AGK: variants seen among roughly 807,000 people sequenced by gnomAD.
AGK encodes the protein acylglycerol kinase.
A neutral mutation model predicts 66.4 loss-of-function variants in AGK; 52 were observed. That is an observed-to-expected ratio of 0.78 (90% CI 0.63 to 0.99). AGK has a LOEUF of 0.99. AGK is among the 50% of genes least tolerant of loss of function. AGK has a pLI of 0.00. For synonymous variants in AGK, 182 were observed against 181.1 expected, an observed-to-expected ratio of 1.00 and a Z score of -0.04; for missense variants, 451 against 506.6, an observed-to-expected ratio of 0.89 and a Z score of 1.05.
chr7:141,555,689 T>C lies in AGK; in HGVS notation c.101+122T>C, dbSNP rs1795194761. ...TAAAACATGTGGTGTAAAAGAAAAA[T>C]AAATGCTATTCAAAGCAAAAACAAA... is the stretch of plus-strand genomic sequence containing the variant. On this transcript the variant is annotated intron_variant, in intron 2 of 15. Coordinates refer to ENST00000649286, the MANE Select transcript of AGK (RefSeq NM_018238.4). This position sits in a 1 kb window ranked among gnomAD's most constrained non-coding sequence, Gnocchi z 4.2. The C allele has an allele frequency of 1.5e-6, 1 of 651,324 alleles. No individual in the cohort carries two copies. The highest frequency in any genetic ancestry group is 1.8e-5 in the African/African-American group (1 of 54,568). 40.3% of individuals were successfully genotyped at this position (651,324 alleles called of 1,614,324 possible). A position where few individuals can be genotyped will look rare whatever the true frequency, so the allele number is the denominator to read the frequency against.
Position 141,653,396 on chromosome 7 carries a change from T to TA in AGK, c.*472_*473insA, listed in dbSNP as rs1265987550. 1 of 154,084 alleles carries TA rather than the reference T, an allele frequency of 6.5e-6. No individual in the cohort carries two copies. Among genetic ancestry groups the TA allele is most frequent in the Non-Finnish European group, 1.4e-5 (1 of 69,146 alleles). 9.5% of individuals were successfully genotyped at this position (154,084 alleles called of 1,614,324 possible). On this transcript the variant is annotated 3_prime_UTR_variant, in exon 16 of 16. Transcript: ENST00000649286. ...GTGAGCTCCGGCTCCTGTTTAGCTTTTATTTCAGTTCTAACCTCAGTCCAG... is the reference window on the plus strand; with the variant it reads ...GTGAGCTCCGGCTCCTGTTTAGCTTTATATTTCAGTTCTAACCTCAGTCCAG...
chr7:141,615,133 A>G (rs1217625041), intron 7 of AGK, among the ~76,000 whole-genome samples: 1 of 152,262 alleles, frequency 6.6e-6, no homozygotes, highest in Admixed American at 6.5e-5. Context: ...CAACTTTATC[A>G]AATAGTGTGA....
At chr7:141,611,328 A>G (rs775979280) in intron 6 of AGK, 41 bp downstream of exon 6, 1 of 1,446,100 alleles carries the variant, frequency 6.9e-7, no homozygotes, top group East Asian at 2.3e-5. Flanking sequence ...TGAAGGTGAG[A>G]AAAATGGAAA....
At chr7:141,556,916 T>C (rs1795221069) in intron 2 of AGK, among the ~76,000 whole-genome samples, 2 of 152,360 alleles carry the variant, frequency 1.3e-5, no homozygotes, top group Admixed American at 6.5e-5. Context: ...GTGCCAGAGC[T>C]CCTCTTTTAG....
At chr7:141,569,651 A>G (rs1005278924) in intron 2 of AGK, among the ~76,000 whole-genome samples, 3 of 152,216 alleles carry the variant, frequency 2.0e-5, no homozygotes, top group African/African-American at 4.8e-5. Flanking sequence ...TTATAACTCT[A>G]TGAGATGGTT....
chr7:141,611,553 A>C (rs551179929), intron 6 of AGK, among the ~76,000 whole-genome samples: 1 of 152,288 alleles, frequency 6.6e-6, no homozygotes, highest in East Asian at 1.9e-4. Context: ...AGAAGAAAAA[A>C]TGATGGTGGA....
chr7:141,586,708 A>G (rs1036432481), intron 2 of AGK, among the ~76,000 whole-genome samples: 1 of 152,216 alleles, frequency 6.6e-6, no homozygotes, highest in Non-Finnish European at 1.5e-5. Flanking sequence ...GTCTCTTAAG[A>G]ACAGCAAAAC....
chr7:141,583,218 G>A (rs1440886189), intron 2 of AGK, among the ~76,000 whole-genome samples: 1 of 151,888 alleles, frequency 6.6e-6, no homozygotes, highest in Non-Finnish European at 1.5e-5. Context: ...TAGGTTTTAG[G>A]TCAGGTGTGA....
chr7:141,614,170 A>G lies in AGK; in HGVS notation c.415A>G (p.Thr139Ala). The G allele has an allele frequency of 6.5e-7, 1 of 1,539,620 alleles. No individual in the cohort carries two copies. The highest frequency in any genetic ancestry group is 8.8e-7 in the Non-Finnish European group (1 of 1,132,618). The change falls in exon 7 of 16, where the codon ACA becomes GCA. Residue 139 changes from threonine (T) to alanine (A), a missense_variant. By Grantham distance (58) the Thr-to-Ala change is moderately conservative (BLOSUM62 0). Transcript: ENST00000649286. ...GGTTGTTACTGGTGTTCTTCGACGAACAGATGAGGTGAGCATTAAAGAGTA... is the reference window on the plus strand; with the variant it reads ...GGTTGTTACTGGTGTTCTTCGACGAGCAGATGAGGTGAGCATTAAAGAGTA... The part of the protein sequence containing the change: ...QEVVTGVLRR[T>A]DEATFSKIPI...
At chr7:141,611,164 A>G in intron 5 of AGK, 31 bp from the exon 6 acceptor site, 1 of 1,492,834 alleles carries the variant, frequency 6.7e-7, no homozygotes, top group Non-Finnish European at 9.3e-7. Flanking sequence ...CTAGGTTGAT[A>G]AACTCACCAA....
At chr7:141,602,298 G>GT (rs901955450) in intron 5 of AGK, among the ~76,000 whole-genome samples, 1 of 151,668 alleles carries the variant, frequency 6.6e-6, no homozygotes, top group African/African-American at 2.4e-5. Context: ...GCTTCCCAAA[G>GT]TACTGGGATT....
At chr7:141,606,563 C>A (rs1796464831) in intron 5 of AGK, among the ~76,000 whole-genome samples, 1 of 152,142 alleles carries the variant, frequency 6.6e-6, no homozygotes, top group Admixed American at 6.6e-5. Flanking sequence ...TTCCTTCTCT[C>A]CCCTGCCCAC....
intron 5 of AGK, 72 bp downstream of exon 5, chr7:141,601,352 T>G: frequency 8.4e-7 from 1 of 1,187,476 alleles, no homozygotes; most frequent in South Asian, 1.3e-5. Flanking sequence ...TCTTGGCTTC[T>G]TAGCAAAAAT....
intron 5 of AGK, among the ~76,000 whole-genome samples, chr7:141,604,569 A>G (rs1012284307): frequency 6.7e-6 from 1 of 149,212 alleles, no homozygotes; most frequent in Non-Finnish European, 1.5e-5. Context: ...TTGATGTACT[A>G]TTATCTTGTA....
At chr7:141,583,183 G>C (rs555303346) in intron 2 of AGK, among the ~76,000 whole-genome samples, 1 of 152,056 alleles carries the variant, frequency 6.6e-6, no homozygotes, top group East Asian at 1.9e-4. Context: ...GGGTCAAGCA[G>C]TATTGCAGAA....
intron 2 of AGK, among the ~76,000 whole-genome samples, chr7:141,576,671 A>G (rs1795745922): frequency 6.6e-6 from 1 of 151,470 alleles, no homozygotes; most frequent in South Asian, 2.1e-4. Context: ...ATGGAGAATC[A>G]AAGAATAAGA....
intron 2 of AGK, among the ~76,000 whole-genome samples, chr7:141,563,786 C>A (rs1795402799): frequency 6.6e-6 from 1 of 151,986 alleles, no homozygotes; most frequent in African/African-American, 2.4e-5. Context: ...ATTTCTTGTC[C>A]CTTGGCTCCT....
intron 2 of AGK, among the ~76,000 whole-genome samples, chr7:141,562,508 C>T (rs895056043): frequency 6.6e-6 from 1 of 152,078 alleles, no homozygotes; most frequent in African/African-American, 2.4e-5. Context: ...CTAAGACTCT[C>T]CTTGGGGAGG....
chr7:141,634,508 CTGA>C, intron 10 of AGK, among the ~76,000 whole-genome samples: 1 of 152,200 alleles, frequency 6.6e-6, no homozygotes, highest in Non-Finnish European at 1.5e-5. Context: ...TATCGAGGAG[CTGA>C]TTAGAGGGCC....
Sources: allele counts gnomAD v4.1 joint callset (sites outside exome capture counted in the v4.1 genomes callset), GRCh38; gene constraint gnomAD v4.1.1; non-coding constraint Gnocchi (gnomAD v3.1); transcripts MANE v1.5; gene names NCBI Gene and HGNC (gene_info 2026-07-23, HGNC 2026-07-21).